CDH18: variants seen among roughly 807,000 people sequenced by gnomAD.
CDH18 encodes cadherin-18.
In CDH18, 31 loss-of-function variants were observed where a neutral mutation model predicts 67.9. That is an observed-to-expected ratio of 0.46 (90% confidence interval 0.34 to 0.62). The LOEUF (loss-of-function observed/expected upper bound fraction) is 0.62, where lower values mean the gene tolerates loss of function less well. Among genes scored for constraint, CDH18 ranks in the 20% least tolerant of loss-of-function variants. The pLI, the probability that CDH18 is intolerant of heterozygous loss-of-function variation, is 0.01. For synonymous variants in CDH18, 362 were observed against 347.2 expected (o/e 1.04, Z -0.48); for missense variants, 890 against 975.5 (o/e 0.91, Z 1.17).
chr5:20,160,297 C>A (rs1751876122), intron 2 of CDH18, among the ~76,000 whole-genome samples: 2 of 152,160 alleles, frequency 1.3e-5, no homozygotes, highest in African/African-American at 2.4e-5. Context: ...TCTGCCTGAA[C>A]CTGAGTCAAA....
At chr5:19,844,430 G>A (rs1782690899) in intron 2 of CDH18, among the ~76,000 whole-genome samples, 1 of 152,104 alleles carries the variant, frequency 6.6e-6, no homozygotes, top group African/African-American at 2.4e-5. Context: ...TTGTGAAAAA[G>A]GGCATGTTTG....
chr5:19,965,360 C>A (rs978357161), intron 2 of CDH18, among the ~76,000 whole-genome samples: 1 of 152,092 alleles, frequency 6.6e-6, no homozygotes, highest in Non-Finnish European at 1.5e-5. Context: ...AGTGGATTTT[C>A]TCCACAATTC....
At chr5:19,740,193 T>TA (rs1443676533) in intron 4 of CDH18, among the ~76,000 whole-genome samples, 1 of 152,172 alleles carries the variant, frequency 6.6e-6, no homozygotes, top group Non-Finnish European at 1.5e-5. Context: ...TATAACCTGT[T>TA]ACTACCTGTT....
chr5:19,977,785 G>A (rs998840533), intron 2 of CDH18, among the ~76,000 whole-genome samples: 2 of 152,014 alleles, frequency 1.3e-5, no homozygotes, highest in Non-Finnish European at 2.9e-5. Context: ...ATTCAAACTG[G>A]AAGGATAAAT....
intron 2 of CDH18, among the ~76,000 whole-genome samples, chr5:19,882,802 T>C (rs936625830): frequency 6.6e-6 from 1 of 152,186 alleles, no homozygotes; most frequent in Non-Finnish European, 1.5e-5. Context: ...TATGTATGAT[T>C]ATGGAATAGA....
At chr5:19,548,721 C>G (rs866241238) in intron 8 of CDH18, among the ~76,000 whole-genome samples, 23 of 149,290 alleles carry the variant, frequency 1.5e-4, no homozygotes, top group South Asian at 8.5e-4. Context: ...GATTAAAATA[C>G]AATCTAGGTC....
At chr5:19,543,718 G>T (rs1388691502) in intron 9 of CDH18, 151 bp downstream of exon 9, 2 of 457,828 alleles carry the variant, frequency 4.4e-6, no homozygotes, top group African/African-American at 3.9e-5. Flanking sequence ...CATGCTATCT[G>T]ATAATGAGAA....
At position 20,305,019 on chromosome 5, in the gene CDH18, G is replaced by A. The variant is rs561203372; in HGVS notation, c.-579-49514C>T. On this transcript the variant is annotated intron_variant, in intron 1 of 14. Coordinates refer to the CDH18 transcript ENST00000507958. ...TGACACAAGCTTTACTGGAAGCAAG[G>A]CCAGAGGAGGAGGGCTGCTGACTGT... is the stretch of plus-strand genomic sequence containing the variant. 365 of 1,612,504 alleles carry A rather than the reference G, an allele frequency of 2.3e-4. No individual in the cohort carries two copies. In the African/African-American group the frequency reaches 4.4e-3, roughly 19 times the overall value.
chr5:20,359,705 C>A (rs1741936853), intron 1 of CDH18, among the ~76,000 whole-genome samples: 1 of 152,074 alleles, frequency 6.6e-6, no homozygotes, highest in East Asian at 1.9e-4. Context: ...TTTAGTAAAC[C>A]ACTAATTCTC....
At chr5:19,703,586 G>T (rs946720027) in intron 5 of CDH18, among the ~76,000 whole-genome samples, 1 of 152,052 alleles carries the variant, frequency 6.6e-6, no homozygotes, top group Non-Finnish European at 1.5e-5. Context: ...AGGGCAAAAA[G>T]TAGTTGCCCC....
At chr5:19,537,127 GA>G (rs1749539760) in intron 9 of CDH18, among the ~76,000 whole-genome samples, 1 of 152,152 alleles carries the variant, frequency 6.6e-6, no homozygotes, top group African/African-American at 2.4e-5. Context: ...GAGTAAAGCA[GA>G]CAGTCTTTCA....
At chr5:19,754,966 G>A (rs967508408) in intron 3 of CDH18, among the ~76,000 whole-genome samples, 5 of 151,956 alleles carry the variant, frequency 3.3e-5, no homozygotes, top group South Asian at 2.1e-4. Context: ...ACTGAACAAC[G>A]ATAATGACAG....
intron 2 of CDH18, among the ~76,000 whole-genome samples, chr5:19,951,220 T>G (rs1370969555): frequency 6.6e-6 from 1 of 152,124 alleles, no homozygotes. Context: ...AGCTAAGTAT[T>G]TTTCTCTCTG....
intron 5 of CDH18, among the ~76,000 whole-genome samples, chr5:19,645,623 C>T (rs948309115): frequency 6.6e-6 from 1 of 152,060 alleles, no homozygotes; most frequent in Non-Finnish European, 1.5e-5. Context: ...TATTTTTGAG[C>T]TTTGGTCAGC....
At chr5:20,568,336 C>T (rs948614159) in intron 1 of CDH18, among the ~76,000 whole-genome samples, 1 of 152,076 alleles carries the variant, frequency 6.6e-6, no homozygotes, top group Non-Finnish European at 1.5e-5. Flanking sequence ...CTTTAGTATT[C>T]TCAGTGATAA....
chr5:20,517,133 G>A (rs1755426582), intron 1 of CDH18, among the ~76,000 whole-genome samples: 1 of 151,634 alleles, frequency 6.6e-6, no homozygotes, highest in Admixed American at 6.6e-5. Flanking sequence ...TCATGCTTGG[G>A]ATTAGAACAA....
chr5:20,394,982 A>C (rs1467337257), intron 1 of CDH18, among the ~76,000 whole-genome samples: 12 of 152,216 alleles, frequency 7.9e-5, no homozygotes, highest in Non-Finnish European at 1.8e-4. Flanking sequence ...ACACTTATAC[A>C]TGGCTGTTAG....
intron 2 of CDH18, among the ~76,000 whole-genome samples, chr5:19,972,370 T>C (rs1798111586): frequency 6.6e-6 from 1 of 152,018 alleles, no homozygotes; most frequent in Non-Finnish European, 1.5e-5. Context: ...AGTCTATAAA[T>C]TCAGAAAGCT....
chr5:20,364,097 C>G (rs1302955536), intron 1 of CDH18, among the ~76,000 whole-genome samples: 1 of 152,040 alleles, frequency 6.6e-6, no homozygotes, highest in Admixed American at 6.6e-5. Flanking sequence ...GCAGGAGATG[C>G]TTTTATTATC....
Sources: gnomAD v4.1 joint callset for allele counts (sites outside exome capture counted in the v4.1 genomes callset) on GRCh38, gnomAD v4.1.1 for gene constraint, MANE v1.5 for transcripts, NCBI Gene and HGNC (gene_info 2026-07-23, HGNC 2026-07-21) for gene names.